PARD3: variants seen among roughly 807,000 people sequenced by gnomAD.
PARD3 encodes par-3 family cell polarity regulator.
Under a neutral mutation model 155.4 loss-of-function variants are expected in PARD3, and 75 were observed. The observed-to-expected ratio is 0.48, with a 90% confidence interval of 0.40 to 0.58. The LOEUF (loss-of-function observed/expected upper bound fraction) is 0.58, where lower values mean the gene tolerates loss of function less well. Among genes scored for constraint, PARD3 ranks in the 20% least tolerant of loss-of-function variants. PARD3 has a pLI of 0.00. For synonymous variants in PARD3, 576 were observed against 610.5 expected, an observed-to-expected ratio of 0.94 and a Z score of 0.83; for missense variants, 1,642 against 1,721.7, an observed-to-expected ratio of 0.95 and a Z score of 0.82.
At chr10:34,273,134 T>C (rs1440995881) in intron 21 of PARD3, among the ~76,000 whole-genome samples, 1 of 152,150 alleles carries the variant, frequency 6.6e-6, no homozygotes, top group African/African-American at 2.4e-5. Flanking sequence ...CCCAAAGTTG[T>C]GAAAACTTAT....
intron 22 of PARD3, among the ~76,000 whole-genome samples, chr10:34,155,107 A>G (rs1948944862): frequency 6.6e-6 from 1 of 152,190 alleles, no homozygotes; most frequent in South Asian, 2.1e-4. Context: ...ATGCATTTCC[A>G]TAGGTTCCCT....
chr10:34,145,226 T>TTTTTTTTTATTA (rs1948445076), intron 22 of PARD3, among the ~76,000 whole-genome samples: 1 of 92,790 alleles, frequency 1.1e-5, no homozygotes, highest in African/African-American at 4.4e-5. Flanking sequence ...TATATATTTT[T>TTTTTTTTTATTA]TTTTTTTTTT....
At chr10:34,227,802 G>C (rs867295740) in intron 22 of PARD3, among the ~76,000 whole-genome samples, 12 of 136,432 alleles carry the variant, frequency 8.8e-5, no homozygotes, top group Middle Eastern at 9.0e-3. Context: ...ATTCAACTCA[G>C]CAATCCCATT....
chr10:34,378,209 T>C, intron 9 of PARD3, 103 bp from the exon 10 acceptor site: 2 of 818,704 alleles, frequency 2.4e-6, no homozygotes, highest in Non-Finnish European at 3.8e-6. Flanking sequence ...TTTTGTAACT[T>C]TCACAATGGT....
intron 22 of PARD3, among the ~76,000 whole-genome samples, chr10:34,248,321 G>T (rs1470288302): frequency 6.6e-6 from 1 of 152,124 alleles, no homozygotes; most frequent in Non-Finnish European, 1.5e-5. Context: ...AAAATAAACA[G>T]CATGGTCAAT....
chr10:34,381,612 C>T (rs1841833865), intron 9 of PARD3, among the ~76,000 whole-genome samples: 1 of 151,988 alleles, frequency 6.6e-6, no homozygotes, highest in Admixed American at 6.6e-5. Flanking sequence ...CGGCAATCGA[C>T]ATCATGACTT....
chr10:34,256,223 A>G (rs1489959144), intron 22 of PARD3, among the ~76,000 whole-genome samples: 1 of 152,244 alleles, frequency 6.6e-6, no homozygotes, highest in African/African-American at 2.4e-5. Flanking sequence ...AATTCCAAGT[A>G]CTGAAGCTTT....
chr10:34,251,105 G>A (rs1954279525), intron 22 of PARD3, among the ~76,000 whole-genome samples: 1 of 152,170 alleles, frequency 6.6e-6, no homozygotes, highest in African/African-American at 2.4e-5. Context: ...CCTAATTACA[G>A]AAATTAATCA....
chr10:34,709,614 G>A (rs1177553826), intron 1 of PARD3, among the ~76,000 whole-genome samples: 2 of 151,982 alleles, frequency 1.3e-5, no homozygotes, highest in Non-Finnish European at 2.9e-5. Flanking sequence ...CCTGGGCTGA[G>A]GGGATAAGGG....
At chr10:34,267,321 T>C (rs189251006) in intron 22 of PARD3, among the ~76,000 whole-genome samples, 175 of 152,314 alleles carry the variant, frequency 1.1e-3, no homozygotes, top group Non-Finnish European at 2.0e-3. Context: ...ATAATAATTG[T>C]ATTCTTTGGA....
At chr10:34,778,315 G>A (rs1839846640) in intron 1 of PARD3, among the ~76,000 whole-genome samples, 1 of 152,118 alleles carries the variant, frequency 6.6e-6, no homozygotes, top group South Asian at 2.1e-4. Flanking sequence ...AAATCCCTCG[G>A]GCCAAGGACA....
intron 1 of PARD3, among the ~76,000 whole-genome samples, chr10:34,766,617 C>CAAAA (rs34958448): frequency 1.3e-3 from 106 of 81,764 alleles, no homozygotes; most frequent in Middle Eastern, 7.4e-3. Context: ...ACTTAATTGA[C>CAAAA]AAAAAAAAAA....
At chr10:34,290,447 C>T (rs1285475209) in intron 20 of PARD3, among the ~76,000 whole-genome samples, 3 of 152,170 alleles carry the variant, frequency 2.0e-5, no homozygotes, top group African/African-American at 7.2e-5. Context: ...TTTGCTACAC[C>T]GCATGTCTAT....
chr10:34,327,575 A>G (rs559176696), intron 19 of PARD3, among the ~76,000 whole-genome samples: 1 of 152,288 alleles, frequency 6.6e-6, no homozygotes, highest in East Asian at 1.9e-4. Flanking sequence ...GTAAAGAGGA[A>G]AAGTGCCACA....
intron 22 of PARD3, among the ~76,000 whole-genome samples, chr10:34,165,209 G>C (rs1949472269): frequency 6.6e-6 from 1 of 152,026 alleles, no homozygotes; most frequent in Admixed American, 6.6e-5. Flanking sequence ...ATATGAACTA[G>C]GTCTCACCCA....
At chr10:34,121,065 G>GAAAAA (rs34639631) in intron 23 of PARD3, among the ~76,000 whole-genome samples, 2 of 124,886 alleles carry the variant, frequency 1.6e-5, no homozygotes, top group African/African-American at 5.8e-5. Context: ...CTCAAAAAAA[G>GAAAAA]AAAAAAAAAA....
In PARD3 at chr10:34,635,722, A is replaced by G. The variant is rs1164730609; in HGVS notation, c.222+60596T>C. On this transcript the variant is annotated intron_variant, in intron 2 of 24. Transcript: ENST00000374788. The stretch of plus-strand genomic sequence containing the variant: ...TTCAATCTTAAAGGATGATGTAGGA[A>G]GAGAAAAGAACAAGTGAGCACCTAC... 4.4e-4 allele frequency among the ~76,000 whole-genome samples: 67 copies of G among 152,226 alleles called. 1 individual carries two copies. The highest frequency in any genetic ancestry group is 4.4e-3 in the Admixed American group (67 of 15,286).
intron 20 of PARD3, among the ~76,000 whole-genome samples, chr10:34,311,422 T>C (rs1957690858): frequency 6.6e-6 from 1 of 152,158 alleles, no homozygotes; most frequent in Non-Finnish European, 1.5e-5. Context: ...AAAGAGTTAA[T>C]TAAATATACA....
At chr10:34,798,653 C>A (rs4472878) in intron 1 of PARD3, among the ~76,000 whole-genome samples, 6 of 148,650 alleles carry the variant, frequency 4.0e-5, no homozygotes, top group East Asian at 2.0e-4. Flanking sequence ...TGCAGTGAGC[C>A]GAGATGTCGC....
Sources: allele counts gnomAD v4.1 joint callset (sites outside exome capture counted in the v4.1 genomes callset), GRCh38; gene constraint gnomAD v4.1.1; transcripts MANE v1.5; gene names NCBI Gene and HGNC (gene_info 2026-07-23, HGNC 2026-07-21).